BPNT2: variants seen among roughly 807,000 people sequenced by gnomAD.
BPNT2 encodes the protein 3'(2'), 5'-bisphosphate nucleotidase 2, also known as Golgi-resident adenosine 3',5'-bisphosphate 3'-phosphatase.
Under a neutral mutation model 29.3 loss-of-function variants are expected in BPNT2, and 11 were observed. That is an observed-to-expected ratio of 0.38 (90% CI 0.24 to 0.62). The LOEUF (loss-of-function observed/expected upper bound fraction) is 0.62, where lower values mean the gene tolerates loss of function less well. Among genes scored for constraint, BPNT2 ranks in the 20% least tolerant of loss-of-function variants. The probability of loss-of-function intolerance (pLI) is 0.62; values close to 1 mark genes in which losing one functional copy is unlikely to be tolerated. For missense variants in BPNT2, 459 were observed against 473.4 expected, an observed-to-expected ratio of 0.97 and a Z score of 0.28; for synonymous variants, 195 against 187.7, an observed-to-expected ratio of 1.04 and a Z score of -0.32.
At chr8:56,971,444 G>C (rs1806029030) in intron 3 of BPNT2, among the ~76,000 whole-genome samples, 1 of 151,976 alleles carries the variant, frequency 6.6e-6, no homozygotes, top group African/African-American at 2.4e-5. Flanking sequence ...CTTACATCCA[G>C]ATATTTTTCA....
chr8:56,970,504 G>C (rs957455425), intron 3 of BPNT2, among the ~76,000 whole-genome samples: 2 of 152,152 alleles, frequency 1.3e-5, no homozygotes, highest in African/African-American at 4.8e-5. Flanking sequence ...CCTAGGGGTT[G>C]TTCTAGATTA....
At chr8:56,990,373 TG>T (rs1250504374) in intron 1 of BPNT2, among the ~76,000 whole-genome samples, 1 of 152,186 alleles carries the variant, frequency 6.6e-6, no homozygotes, top group East Asian at 1.9e-4. Flanking sequence ...CATTGTTACC[TG>T]CAAGGATAAA....
intron 3 of BPNT2, among the ~76,000 whole-genome samples, chr8:56,968,712 C>T (rs1322062271): frequency 6.6e-6 from 1 of 152,160 alleles, no homozygotes; most frequent in Non-Finnish European, 1.5e-5. Flanking sequence ...TAAACATCTA[C>T]ACTGAGAGAC....
chr8:56,992,541 T>C (rs1350236260), intron 1 of BPNT2, among the ~76,000 whole-genome samples: 1 of 152,200 alleles, frequency 6.6e-6, no homozygotes, highest in African/African-American at 2.4e-5. Flanking sequence ...TTAATTCTTA[T>C]TCTCTGGAGT....
intron 1 of BPNT2, among the ~76,000 whole-genome samples, chr8:56,981,753 A>G (rs981277961): frequency 2.0e-5 from 3 of 152,038 alleles, no homozygotes; most frequent in Non-Finnish European, 4.4e-5. Flanking sequence ...ATACACACAC[A>G]CAAGAAAAAA....
intron 3 of BPNT2, among the ~76,000 whole-genome samples, chr8:56,969,879 G>A (rs538744113): frequency 4.3e-4 from 66 of 152,082 alleles, no homozygotes; most frequent in Non-Finnish European, 7.9e-4. Flanking sequence ...ACATGTTACC[G>A]CTGGAAGGGT....
chr8:56,975,451 T>G (rs970752672), intron 3 of BPNT2, among the ~76,000 whole-genome samples: 14 of 152,272 alleles, frequency 9.2e-5, no homozygotes, highest in African/African-American at 3.4e-4. Flanking sequence ...GTCTTTAACT[T>G]TTATATGCCT....
intron 1 of BPNT2, among the ~76,000 whole-genome samples, chr8:56,986,668 C>T (rs539761834): frequency 2.6e-5 from 4 of 152,258 alleles, no homozygotes; most frequent in African/African-American, 7.2e-5. Flanking sequence ...GCCTAGCCAA[C>T]CTGAAATGTA....
rs191147593 is a variant in BPNT2, at chr8:56,965,683, T to A, written c.808+508A>T. On this transcript the variant is annotated intron_variant, in intron 4 of 4. Coordinates refer to ENST00000262644, the MANE Select transcript of BPNT2 (RefSeq NM_017813.5). The stretch of plus-strand genomic sequence containing the variant: ...AAAAACTAGGTTGACTATAATACAA[T>A]AGTAGAGAATATACGATAAGGTGGG... Among the ~76,000 whole-genome samples, 21 of 152,282 alleles carry A rather than the reference T, an allele frequency of 1.4e-4. No individual in the cohort carries two copies. In the East Asian group the frequency reaches 3.1e-3, roughly 22 times the overall value.
chr8:56,977,676 T>G (rs1806165299), intron 3 of BPNT2, among the ~76,000 whole-genome samples: 1 of 152,088 alleles, frequency 6.6e-6, no homozygotes. Flanking sequence ...CTGAATCCAA[T>G]ATGACTGGTG....
chr8:56,982,107 C>T (rs1297442133), intron 1 of BPNT2, among the ~76,000 whole-genome samples: 1 of 151,766 alleles, frequency 6.6e-6, no homozygotes, highest in South Asian at 2.1e-4. Context: ...CATCAAACCG[C>T]TTAAATCATT....
chr8:56,993,563 AGGCGGATGCCCATGGG>A lies in BPNT2; in HGVS notation c.7_22del (p.Pro3PhefsTer74). 1 of 1,476,584 alleles carries A rather than the reference AGGCGGATGCCCATGGG, an allele frequency of 6.8e-7. No individual in the cohort carries two copies. The highest frequency in any genetic ancestry group is 9.0e-7 in the Non-Finnish European group (1 of 1,112,712). The allele number at this position is 1,476,584 out of a possible 1,614,324, so 91.5% of individuals were successfully genotyped here. On this transcript the variant is annotated frameshift_variant, in exon 1 of 5. Transcript: ENST00000262644. LOFTEE classifies it high-confidence loss of function. ...AAACACTGCCACCCCCAGTGGGGAAAGGCGGATGCCCATGGGGGCCATGGCGTGGGAAGCCGGGCGC... is the reference window on the plus strand; with the variant it reads ...AAACACTGCCACCCCCAGTGGGGAAAGGCCATGGCGTGGGAAGCCGGGCGC...
intron 3 of BPNT2, among the ~76,000 whole-genome samples, chr8:56,971,987 C>T (rs1271675108): frequency 6.6e-6 from 1 of 151,386 alleles, no homozygotes; most frequent in Non-Finnish European, 1.5e-5. Flanking sequence ...TCCAGCTACT[C>T]GGGAGGCTGA....
chr8:56,971,779 A>ACCCCCC (rs1242175246), intron 3 of BPNT2, among the ~76,000 whole-genome samples: 11 of 38,012 alleles, frequency 2.9e-4, no homozygotes, highest in East Asian at 2.6e-3. Flanking sequence ...ATAATTTTGT[A>ACCCCCC]CCACCCCCCC....
chr8:56,983,193 T>G (rs1806272784), intron 1 of BPNT2, among the ~76,000 whole-genome samples: 2 of 152,094 alleles, frequency 1.3e-5, no homozygotes. Flanking sequence ...ATTACTGAAT[T>G]GTATACTTGA....
Position 56,963,923 on chromosome 8 carries a change from G to A in BPNT2, c.950C>T (p.Thr317Ile). 1 of 1,614,092 alleles carries A rather than the reference G, an allele frequency of 6.2e-7. No homozygotes were observed. Among genetic ancestry groups the A allele is most frequent in the South Asian group, 1.1e-5 (1 of 91,076 alleles). The change falls in exon 5 of 5, where the codon ACC (threonine) becomes ATC (isoleucine). Residue 317 changes from threonine to isoleucine, a missense_variant. Physicochemically the swap from Thr to Ile is moderately conservative, Grantham distance 89. Coordinates refer to ENST00000262644, the MANE Select transcript of BPNT2 (RefSeq NM_017813.5). The part of the protein sequence containing the change: ...ILKALGGHMT[T>I]LSGEEISYTG... ...GTAACTGATTTCTTCACCACTCAGG[G>A]TAGTCATATGCCCCCCTAGGGCTTT...
At chr8:56,970,405 A>G (rs1806011156) in intron 3 of BPNT2, among the ~76,000 whole-genome samples, 1 of 152,200 alleles carries the variant, frequency 6.6e-6, no homozygotes, top group Non-Finnish European at 1.5e-5. Flanking sequence ...CACCCTTTGG[A>G]AACAATCAGA....
chr8:56,964,232 A>C, intron 4 of BPNT2, 168 bp from the exon 5 acceptor site: 1 of 569,950 alleles, frequency 1.8e-6, no homozygotes, highest in Non-Finnish European at 3.1e-6. Context: ...AAAAATTTTA[A>C]AGTAACTGTA....
At chr8:56,964,826 T>C (rs542193602) in intron 4 of BPNT2, among the ~76,000 whole-genome samples, 1 of 152,246 alleles carries the variant, frequency 6.6e-6, no homozygotes, top group East Asian at 1.9e-4. Flanking sequence ...CTTTTTGTAA[T>C]GAGGCAGAAT....
Sources: allele counts gnomAD v4.1 joint callset (sites outside exome capture counted in the v4.1 genomes callset), GRCh38; gene constraint gnomAD v4.1.1; transcripts MANE v1.5; gene names NCBI Gene and HGNC (gene_info 2026-07-23, HGNC 2026-07-21).